Variants in NOX3 observed in about 807,000 individuals in gnomAD.
NOX3 encodes NADPH oxidase 3.
NOX3 carries 74 observed loss-of-function variants against 76.7 expected under a neutral mutation model. The ratio of observed to expected loss-of-function variants is 0.96; its 90% CI spans 0.80 to 1.17. The LOEUF (loss-of-function observed/expected upper bound fraction) is 1.17. NOX3 is among the 50% of genes most tolerant of loss of function. The pLI is 0.00. For synonymous variants in NOX3, 263 were observed against 261.1 expected (o/e 1.01, Z -0.07); for missense variants, 695 against 703.3 (o/e 0.99, Z 0.13).
In NOX3 at chr6:155,430,842, C is replaced by A; in HGVS notation, c.891+1G>T. 6.2e-7 allele frequency: 1 copy of A among 1,604,092 alleles called. No homozygotes were observed. Among genetic ancestry groups the A allele is most frequent in the Non-Finnish European group, 8.5e-7 (1 of 1,171,278 alleles). ...ATTCAGACATAAAGCTACATGCATACCTTGGTAATGACAACTTCTTGTTGA... is the reference window on the plus strand; with the variant it reads ...ATTCAGACATAAAGCTACATGCATAACTTGGTAATGACAACTTCTTGTTGA... On this transcript the variant is annotated splice_donor_variant, in intron 8 of 13. Coordinates refer to ENST00000159060, the MANE Select transcript of NOX3 (RefSeq NM_015718.3). LOFTEE classifies it high-confidence loss of function.
At chr6:155,442,330 C>T (rs73567356) in intron 5 of NOX3, among the ~76,000 whole-genome samples, 30,170 of 151,874 alleles carry the variant, frequency 0.2, 3,498 homozygotes, top group East Asian at 0.54. Context: ...TGATCAATGG[C>T]CTGATATTGA....
At chr6:155,403,206 A>G (rs1252758979) in intron 12 of NOX3, among the ~76,000 whole-genome samples, 2 of 152,242 alleles carry the variant, frequency 1.3e-5, no homozygotes, top group African/African-American at 4.8e-5. Context: ...TTTCTTCATT[A>G]AAAGCTTCAT....
chr6:155,421,020 A>C (rs1370064824), intron 10 of NOX3, among the ~76,000 whole-genome samples: 1 of 152,216 alleles, frequency 6.6e-6, no homozygotes, highest in Non-Finnish European at 1.5e-5. Context: ...GGTGAACTGC[A>C]GGCAGTATTT....
intron 5 of NOX3, among the ~76,000 whole-genome samples, chr6:155,442,136 T>C (rs11754370): frequency 0.029 from 4,398 of 152,012 alleles, 99 homozygotes; most frequent in African/African-American, 0.028. Context: ...TGGTGGCGGG[T>C]GCCTATAGTC....
chr6:155,436,746 A>T (rs535519648), intron 6 of NOX3, among the ~76,000 whole-genome samples, 199 bp from the exon 7 acceptor site: 1 of 152,314 alleles, frequency 6.6e-6, no homozygotes, highest in East Asian at 1.9e-4. Context: ...AACTTTGAAG[A>T]TCCCAGAAAA....
intron 7 of NOX3, 70 bp from the exon 8 acceptor site, chr6:155,431,005 C>A: frequency 1.0e-6 from 1 of 995,172 alleles, no homozygotes; most frequent in Non-Finnish European, 1.6e-6. Flanking sequence ...CAATTTGAAC[C>A]AAATCAATAT....
chr6:155,455,817 C>T lies in NOX3; in HGVS notation c.-17G>A, dbSNP rs182150243. 68 of 1,613,298 alleles carry T rather than the reference C, an allele frequency of 4.2e-5. No homozygotes were observed. The highest frequency in any genetic ancestry group is 1.7e-4 in the Middle Eastern group (1 of 6,058). On this transcript the variant is annotated 5_prime_UTR_variant, in exon 1 of 14. Coordinates refer to ENST00000159060, the MANE Select transcript of NOX3 (RefSeq NM_015718.3). ...CCCCATCATGATACTTGTTGCTCTT[C>T]GGCTGTCAGGAAATTTCTTCTCCCT... is the stretch of plus-strand genomic sequence containing the variant.
At chr6:155,447,749 G>A (rs1200140762) in intron 4 of NOX3, among the ~76,000 whole-genome samples, 1 of 152,132 alleles carries the variant, frequency 6.6e-6, no homozygotes. Flanking sequence ...TGCTTATGCC[G>A]ATTTTGTTTG....
intron 12 of NOX3, among the ~76,000 whole-genome samples, chr6:155,404,128 T>TATATATA (rs200744490): frequency 1.1e-5 from 1 of 91,572 alleles, no homozygotes; most frequent in African/African-American, 5.1e-5. Context: ...TATATATATA[T>TATATATA]TTTTTTTTTC....
intron 12 of NOX3, among the ~76,000 whole-genome samples, chr6:155,400,190 C>T (rs943153277): frequency 6.6e-6 from 1 of 152,180 alleles, no homozygotes. Flanking sequence ...CAAAATATCA[C>T]CCACCAGGAG....
intron 6 of NOX3, among the ~76,000 whole-genome samples, chr6:155,437,684 A>G (rs1776926658): frequency 6.6e-6 from 1 of 152,180 alleles, no homozygotes; most frequent in Admixed American, 6.5e-5. Context: ...ATACTTTAAC[A>G]CTTTCATTCT....
intron 6 of NOX3, among the ~76,000 whole-genome samples, chr6:155,437,235 G>A (rs1422445101): frequency 6.6e-6 from 1 of 152,148 alleles, no homozygotes; most frequent in East Asian, 1.9e-4. Flanking sequence ...AGTAGCTTTG[G>A]TACAAGCTCC....
At chr6:155,444,172 T>A in intron 4 of NOX3, among the ~76,000 whole-genome samples, 1 of 152,228 alleles carries the variant, frequency 6.6e-6, no homozygotes, top group East Asian at 1.9e-4. Context: ...CCCCCCAGTC[T>A]AAAGTTTCAC....
In NOX3 at chr6:155,411,197, C is replaced by CA; in HGVS notation, c.1455+16dup. The CA allele has an allele frequency of 1.9e-6, 3 of 1,609,678 alleles. No homozygotes were observed. Among genetic ancestry groups the CA allele is most frequent in the Non-Finnish European group, 2.5e-6 (3 of 1,177,732 alleles). ...TGAGTTCAGCAATATTGCTTATTCT[C>CA]AGAGTCTTATCAGTACCTGATTTTC... On this transcript the variant is annotated intron_variant, in intron 11 of 13. Transcript: ENST00000159060.
chr6:155,406,713 G>A (rs949462986), intron 12 of NOX3, among the ~76,000 whole-genome samples: 2 of 152,282 alleles, frequency 1.3e-5, no homozygotes, highest in Non-Finnish European at 2.9e-5. Context: ...ACAGCCAGAT[G>A]CTGGGTTCTT....
chr6:155,435,484 TCAC>T (rs1238364374), intron 7 of NOX3, among the ~76,000 whole-genome samples: 1 of 151,796 alleles, frequency 6.6e-6, no homozygotes, highest in Non-Finnish European at 1.5e-5. Context: ...CCTAGTACTT[TCAC>T]CCTTAAAATC....
At chr6:155,446,922 C>T (rs1002151012) in intron 4 of NOX3, among the ~76,000 whole-genome samples, 1 of 152,036 alleles carries the variant, frequency 6.6e-6, no homozygotes, top group Admixed American at 6.6e-5. Context: ...AACTGAGCTT[C>T]GGACCAAGTT....
Position 155,429,112 on chromosome 6 carries a change from C to T in NOX3, c.892-65G>A, listed in dbSNP as rs1316455695. On this transcript the variant is annotated intron_variant, in intron 8 of 13. Transcript: ENST00000159060. ...AATAATAAAGAAACACCTTTCATTC[C>T]ATCAAAGGTGTTGAAAATTTTAGAT... 4 of 1,400,430 alleles carry T rather than the reference C, an allele frequency of 2.9e-6. No homozygotes were observed. The African/African-American group carries it at 5.8e-5, about 20-fold the overall frequency. 86.8% of individuals were successfully genotyped at this position (1,400,430 alleles called of 1,614,324 possible).
intron 12 of NOX3, 23 bp from the exon 13 acceptor site, chr6:155,396,985 A>G: frequency 6.3e-7 from 1 of 1,591,048 alleles, no homozygotes; most frequent in Non-Finnish European, 8.6e-7. Flanking sequence ...TAAGAAAAGG[A>G]AATAAAATGT....
Sources: allele counts gnomAD v4.1 joint callset (sites outside exome capture counted in the v4.1 genomes callset), GRCh38; gene constraint gnomAD v4.1.1; transcripts MANE v1.5; gene names NCBI Gene and HGNC (gene_info 2026-07-23, HGNC 2026-07-21).